The following GRM7 variants were observed in gnomAD, a reference collection of about 807,000 sequenced individuals.
The protein encoded by GRM7 is glutamate metabotropic receptor 7, also known as metabotropic glutamate receptor 7.
In GRM7, 35 loss-of-function variants were observed where a neutral mutation model predicts 84.5. The ratio of observed to expected loss-of-function variants is 0.41; its 90% CI spans 0.32 to 0.55. The LOEUF is 0.55. GRM7 is among the 20% of genes least tolerant of loss of function. The pLI is 0.19. For synonymous variants in GRM7, 487 were observed against 455.1 expected (o/e 1.07, Z -0.89); for missense variants, 1,003 against 1,194.6 (o/e 0.84, Z 2.36).
At position 7,266,932 on chromosome 3, in the gene GRM7, G is replaced by C. The variant is rs766416448; in HGVS notation, c.737-31752G>C. Among the ~76,000 whole-genome samples, 3 of 152,226 alleles carry C rather than the reference G, an allele frequency of 2.0e-5. No homozygotes were observed. In the South Asian group the frequency reaches 6.2e-4, roughly 32 times the overall value. ...CACTGAACTTGCCCTTTGACTTCAG[G>C]GTTGGAAGGAGACCTCTTAGCGTCT... On this transcript the variant is annotated intron_variant, in intron 2 of 9. Coordinates refer to ENST00000357716, the MANE Select transcript of GRM7 (RefSeq NM_000844.4).
At chr3:7,646,979 A>G (rs1355499051) in intron 8 of GRM7, among the ~76,000 whole-genome samples, 3 of 152,170 alleles carry the variant, frequency 2.0e-5, no homozygotes, top group African/African-American at 7.2e-5. Context: ...GTAGAGGTGA[A>G]CTGGGTCAAG....
intron 7 of GRM7, among the ~76,000 whole-genome samples, chr3:7,472,755 A>C (rs1161639823): frequency 6.6e-6 from 1 of 152,182 alleles, no homozygotes; most frequent in African/African-American, 2.4e-5. Flanking sequence ...TCCTGATCCC[A>C]CCTTATGTGA....
At chr3:6,976,491 G>A (rs950128414) in intron 1 of GRM7, among the ~76,000 whole-genome samples, 1 of 152,148 alleles carries the variant, frequency 6.6e-6, no homozygotes, top group African/African-American at 2.4e-5. Context: ...TATTGTTCCA[G>A]TGTTACCTGG....
At chr3:6,968,146 T>C (rs1225372768) in intron 1 of GRM7, among the ~76,000 whole-genome samples, 2 of 152,232 alleles carry the variant, frequency 1.3e-5, no homozygotes, top group African/African-American at 4.8e-5. Context: ...GTCTTTCTCT[T>C]TTCCAAGGCT....
intron 1 of GRM7, among the ~76,000 whole-genome samples, chr3:6,949,154 T>G (rs1033506655): frequency 2.7e-4 from 41 of 152,358 alleles, no homozygotes; most frequent in African/African-American, 9.6e-4. Flanking sequence ...CTAGCCTCGA[T>G]GGTCTTTACA....
At chr3:7,473,375 G>T (rs946932391) in intron 7 of GRM7, among the ~76,000 whole-genome samples, 1 of 152,022 alleles carries the variant, frequency 6.6e-6, no homozygotes, top group Non-Finnish European at 1.5e-5. Flanking sequence ...TACTCAGGAG[G>T]CTGGGCAGGA....
chr3:7,367,713 G>C (rs1473553662), intron 4 of GRM7, among the ~76,000 whole-genome samples: 3 of 151,412 alleles, frequency 2.0e-5, no homozygotes, highest in African/African-American at 7.3e-5. Flanking sequence ...GTAGTTCTAG[G>C]AGAGAAGGAG....
chr3:6,931,300 T>A (rs1429285836), intron 1 of GRM7, among the ~76,000 whole-genome samples: 1 of 152,146 alleles, frequency 6.6e-6, no homozygotes, highest in Non-Finnish European at 1.5e-5. Context: ...CGTGACTTAC[T>A]AGCAATGTCT....
chr3:7,225,977 A>G (rs1014648858), intron 2 of GRM7, among the ~76,000 whole-genome samples: 6 of 152,196 alleles, frequency 3.9e-5, no homozygotes, highest in African/African-American at 1.4e-4. Flanking sequence ...ATTTTCTGTG[A>G]AATAAAGAAC....
chr3:7,134,755 G>A (rs113734868), intron 1 of GRM7, among the ~76,000 whole-genome samples: 1 of 152,224 alleles, frequency 6.6e-6, no homozygotes, highest in African/African-American at 2.4e-5. Context: ...GTACACATAT[G>A]CTAGATGGGC....
chr3:7,554,902 G>A (rs187233928), intron 7 of GRM7, among the ~76,000 whole-genome samples: 7 of 152,320 alleles, frequency 4.6e-5, no homozygotes, highest in Admixed American at 3.3e-4. Flanking sequence ...GTCTAAAATA[G>A]AGTCCCAAGT....
intron 1 of GRM7, among the ~76,000 whole-genome samples, chr3:7,116,678 C>G (rs561618954): frequency 2.6e-5 from 4 of 152,124 alleles, no homozygotes; most frequent in Middle Eastern, 3.2e-3. Context: ...CCATAGTTAT[C>G]GTACTATGAA....
intron 1 of GRM7, among the ~76,000 whole-genome samples, chr3:7,069,059 T>TTATATA (rs58544723): frequency 1.4e-4 from 21 of 149,304 alleles, no homozygotes; most frequent in African/African-American, 5.1e-4. Flanking sequence ...ATACATAATT[T>TTATATA]TATATATATA....
intron 1 of GRM7, among the ~76,000 whole-genome samples, chr3:6,999,558 G>T (rs1694940335): frequency 6.6e-6 from 1 of 152,088 alleles, no homozygotes; most frequent in Admixed American, 6.5e-5. Context: ...CATTCTCATG[G>T]TGCTATAAGG....
intron 1 of GRM7, among the ~76,000 whole-genome samples, chr3:6,982,471 T>G (rs540209512): frequency 6.6e-6 from 1 of 152,298 alleles, no homozygotes; most frequent in East Asian, 1.9e-4. Context: ...TAAAAATCAA[T>G]TATGAGACAC....
chr3:7,506,013 T>A (rs772080234), intron 7 of GRM7, among the ~76,000 whole-genome samples: 32 of 152,194 alleles, frequency 2.1e-4, no homozygotes, highest in Non-Finnish European at 4.1e-4. Flanking sequence ...AATTATAAAT[T>A]CTGTCTTTAA....
intron 5 of GRM7, among the ~76,000 whole-genome samples, chr3:7,448,185 T>C (rs1262732739): frequency 1.3e-5 from 2 of 151,276 alleles, no homozygotes; most frequent in African/African-American, 4.9e-5. Context: ...GTCATTGCTA[T>C]TGTGAATAAT....
At chr3:7,637,961 C>T (rs755786172) in intron 8 of GRM7, among the ~76,000 whole-genome samples, 4 of 152,154 alleles carry the variant, frequency 2.6e-5, no homozygotes, top group Non-Finnish European at 5.9e-5. Context: ...ACAACAGGAA[C>T]GGCAGTGTCC....
chr3:7,600,904 AAGAC>A (rs1269137229), intron 8 of GRM7, among the ~76,000 whole-genome samples: 2 of 152,120 alleles, frequency 1.3e-5, no homozygotes, highest in Non-Finnish European at 2.9e-5. Context: ...GTGAGAGAGA[AAGAC>A]AGACAGAAAT....
Sources: allele counts gnomAD v4.1 joint callset (sites outside exome capture counted in the v4.1 genomes callset), GRCh38; gene constraint gnomAD v4.1.1; transcripts MANE v1.5; gene names NCBI Gene and HGNC (gene_info 2026-07-23, HGNC 2026-07-21).